Variants in TRAF3 observed in about 807,000 individuals in gnomAD.
TRAF3 encodes TNF receptor associated factor 3.
In TRAF3, 13 loss-of-function variants were observed where a neutral mutation model predicts 62.3. The observed-to-expected ratio is 0.21, with a 90% CI of 0.14 to 0.33. TRAF3 has a LOEUF of 0.33. TRAF3 is among the 10% of genes least tolerant of loss of function. The pLI, the probability that TRAF3 is intolerant of heterozygous loss-of-function variation, is 1.00. For missense variants in TRAF3, 440 were observed against 741.8 expected (o/e 0.59, Z 4.73); for synonymous variants, 269 against 283.4 (o/e 0.95, Z 0.51).
In TRAF3 at chr14:102,879,116, C is replaced by T. The variant is rs111706113; in HGVS notation, c.570+2591C>T. On this transcript the variant is annotated intron_variant, in intron 6 of 11. Transcript: ENST00000392745. The stretch of plus-strand genomic sequence containing the variant: ...GGCTCGCAGGATCATGGGGCTGGAG[C>T]GAGTGGAGAGGAGGACAGAGCTCGT... Among the ~76,000 whole-genome samples the T allele has an allele frequency of 1.4e-4, 21 of 151,668 alleles. 1 individual carries two copies. The highest frequency in any genetic ancestry group is 4.6e-4 in the African/African-American group (19 of 41,318).
rs566966758 is a variant in TRAF3 at position 102,854,911 on chromosome 14, G to A, written c.-17-15274G>A. 2.0e-5 allele frequency among the ~76,000 whole-genome samples: 3 copies of A among 150,854 alleles called. No homozygotes were observed. In the East Asian group the frequency reaches 5.8e-4, roughly 29 times the overall value. Reference sequence around the variant, plus strand: ...CAGTGGCATTTTGTACATTCACAGTGTTCTGCACCATGATCTCTATCTGGT... The same window carrying A: ...CAGTGGCATTTTGTACATTCACAGTATTCTGCACCATGATCTCTATCTGGT... On this transcript the variant is annotated intron_variant, in intron 2 of 11. Transcript: ENST00000392745.
At chr14:102,802,930 A>G (rs970920207) in intron 1 of TRAF3, among the ~76,000 whole-genome samples, 4 of 152,320 alleles carry the variant, frequency 2.6e-5, no homozygotes, top group Admixed American at 2.0e-4. Context: ...GGAAACTTAC[A>G]ATCATGGTGG....
chr14:102,871,816 A>G, intron 3 of TRAF3, 101 bp from the exon 4 acceptor site: 1 of 1,081,970 alleles, frequency 9.2e-7, no homozygotes, highest in Non-Finnish European at 1.4e-6. Flanking sequence ...GCTGTGAGCC[A>G]CTGTGCAGAC....
chr14:102,801,417 A>T (rs779459349), intron 1 of TRAF3, among the ~76,000 whole-genome samples: 57 of 152,282 alleles, frequency 3.7e-4, no homozygotes, highest in Admixed American at 2.0e-4. Flanking sequence ...TCGGTTTTGG[A>T]TAAGGATTGT....
At chr14:102,854,854 A>G (rs1224840246) in intron 2 of TRAF3, among the ~76,000 whole-genome samples, 11 of 150,358 alleles carry the variant, frequency 7.3e-5, no homozygotes, top group East Asian at 1.9e-4. Context: ...GGTGAGATAC[A>G]CATAACATTA....
intron 1 of TRAF3, among the ~76,000 whole-genome samples, chr14:102,805,561 A>G (rs1205383336): frequency 6.6e-6 from 1 of 152,106 alleles, no homozygotes; most frequent in Non-Finnish European, 1.5e-5. Context: ...GCTGCCCAAG[A>G]CTACTGTTGG....
chr14:102,887,815 T>C (rs1889484904), intron 7 of TRAF3, among the ~76,000 whole-genome samples: 1 of 152,128 alleles, frequency 6.6e-6, no homozygotes, highest in Non-Finnish European at 1.5e-5. Context: ...CAGCATGGTC[T>C]CCGTCTCCTG....
chr14:102,833,549 A>T lies in TRAF3; in HGVS notation c.-18+3077A>T, dbSNP rs544860811. The stretch of plus-strand genomic sequence containing the variant: ...TTAAATGAGTCCTTTGCATTCGAGT[A>T]TAGAGATGACTGAGGAGAATGAGGT... On this transcript the variant is annotated intron_variant, in intron 2 of 11. Coordinates refer to ENST00000392745, the MANE Select transcript of TRAF3 (RefSeq NM_145725.3). 2.2e-4 allele frequency among the ~76,000 whole-genome samples: 33 copies of T among 152,336 alleles called. No individual in the cohort carries two copies. The South Asian group carries it at 4.3e-3, about 20-fold the overall frequency.
intron 6 of TRAF3, among the ~76,000 whole-genome samples, chr14:102,882,891 GAAAC>G (rs1889150868): frequency 6.6e-6 from 1 of 152,086 alleles, no homozygotes; most frequent in Admixed American, 6.6e-5. Context: ...AAAGTGTCAG[GAAAC>G]AAACCTTTTA....
intron 2 of TRAF3, among the ~76,000 whole-genome samples, chr14:102,868,991 G>A (rs1328764170): frequency 6.6e-6 from 1 of 152,222 alleles, no homozygotes; most frequent in Non-Finnish European, 1.5e-5. Flanking sequence ...GTTAGCAAGT[G>A]TGGAAGAGAG....
chr14:102,832,289 A>C (rs1009251690), intron 2 of TRAF3, among the ~76,000 whole-genome samples: 3 of 152,164 alleles, frequency 2.0e-5, no homozygotes, highest in African/African-American at 7.2e-5. Flanking sequence ...AAAGACGTCT[A>C]CTTTCTCAGC....
At chr14:102,855,084 C>T (rs965194402) in intron 2 of TRAF3, among the ~76,000 whole-genome samples, 2 of 152,134 alleles carry the variant, frequency 1.3e-5, no homozygotes, top group African/African-American at 2.4e-5. Flanking sequence ...TAGATGAAAT[C>T]GTAGTGTGTG....
At chr14:102,825,974 G>T (rs1359892646) in intron 1 of TRAF3, among the ~76,000 whole-genome samples, 1 of 152,190 alleles carries the variant, frequency 6.6e-6, no homozygotes, top group African/African-American at 2.4e-5. Context: ...TTTACGCGGA[G>T]GCATGTCTGC....
intron 2 of TRAF3, among the ~76,000 whole-genome samples, chr14:102,849,555 TA>T (rs1445273329): frequency 6.6e-6 from 1 of 152,272 alleles, no homozygotes; most frequent in Non-Finnish European, 1.5e-5. Context: ...GACCATGTGT[TA>T]TACTGTGATT....
chr14:102,837,327 T>C (rs1886087044), intron 2 of TRAF3, among the ~76,000 whole-genome samples: 1 of 152,046 alleles, frequency 6.6e-6, no homozygotes, highest in African/African-American at 2.4e-5. Context: ...TTTATAGACA[T>C]GGGGTCTCAC....
intron 7 of TRAF3, among the ~76,000 whole-genome samples, chr14:102,888,394 C>T (rs1889523184): frequency 6.6e-6 from 1 of 152,142 alleles, no homozygotes; most frequent in Non-Finnish European, 1.5e-5. Context: ...TAGCAGTGGC[C>T]GCATGGGCCC....
chr14:102,862,066 TTATC>T (rs1436099393), intron 2 of TRAF3, among the ~76,000 whole-genome samples: 1 of 152,210 alleles, frequency 6.6e-6, no homozygotes, highest in South Asian at 2.1e-4. Flanking sequence ...GAAGTTCAGT[TTATC>T]TAGTTTTTTA....
intron 1 of TRAF3, among the ~76,000 whole-genome samples, chr14:102,783,310 C>G (rs1313588396): frequency 6.6e-6 from 1 of 152,178 alleles, no homozygotes; most frequent in Non-Finnish European, 1.5e-5. Flanking sequence ...GGATTTGTTG[C>G]ATTATGGGGG....
At chr14:102,853,976 A>G (rs990597474) in intron 2 of TRAF3, among the ~76,000 whole-genome samples, 4 of 152,180 alleles carry the variant, frequency 2.6e-5, no homozygotes, top group Non-Finnish European at 5.9e-5. Context: ...GCAACCACTA[A>G]TCTACTTTCT....
Sources: allele counts gnomAD v4.1 joint callset (sites outside exome capture counted in the v4.1 genomes callset), GRCh38; gene constraint gnomAD v4.1.1; transcripts MANE v1.5; gene names NCBI Gene and HGNC (gene_info 2026-07-23, HGNC 2026-07-21).